The following ANKRD11 variants were observed in gnomAD, a reference collection of about 807,000 sequenced individuals.
The protein encoded by ANKRD11 is ankyrin repeat domain-containing protein 11.
In ANKRD11, 17 loss-of-function variants were observed where a neutral mutation model predicts 195.7. That is an observed-to-expected ratio of 0.09 (90% CI 0.06 to 0.13). ANKRD11 has a LOEUF of 0.13. ANKRD11 is among the 10% of genes least tolerant of loss of function. The pLI is 1.00. For synonymous variants in ANKRD11, 1,953 were observed against 1,528.1 expected (o/e 1.28, Z -6.49); for missense variants, 3,735 against 3,566.1 (o/e 1.05, Z -1.21).
At chr16:89,304,163 T>C (rs2036017164) in intron 4 of ANKRD11, among the ~76,000 whole-genome samples, 1 of 152,220 alleles carries the variant, frequency 6.6e-6, no homozygotes, top group African/African-American at 2.4e-5. Flanking sequence ...CAGAGGCCTC[T>C]GGGCTCCCTG....
intron 2 of ANKRD11, among the ~76,000 whole-genome samples, chr16:89,349,861 AACAC>A (rs34592614): frequency 0.11 from 14,960 of 132,898 alleles, 842 homozygotes; most frequent in South Asian, 0.15. Context: ...TACTTGTTAA[AACAC>A]ACACACACAC....
At chr16:89,373,781 A>G (rs1174393176) in intron 2 of ANKRD11, among the ~76,000 whole-genome samples, 1 of 152,264 alleles carries the variant, frequency 6.6e-6, no homozygotes, top group Admixed American at 6.5e-5. Context: ...CCAAGAACCC[A>G]GCACCCAGGG....
At chr16:89,368,842 G>A (rs1284038148) in intron 2 of ANKRD11, among the ~76,000 whole-genome samples, 1 of 152,174 alleles carries the variant, frequency 6.6e-6, no homozygotes, top group Non-Finnish European at 1.5e-5. Flanking sequence ...TGACGCCACA[G>A]TGAGTCCTGA....
rs146331613 is a variant in ANKRD11, at chr16:89,376,200, G to A, written c.-60+42084C>T. On this transcript the variant is annotated intron_variant, in intron 2 of 12. Transcript: ENST00000301030. ...GCTATAAGAAAGGCAAATACCAATA[G>A]ACTCTAGTCTGATTCCAGAAAAGTG... 4.6e-3 allele frequency among the ~76,000 whole-genome samples: 707 copies of A among 152,326 alleles called. 27 individuals are homozygous for A. The highest frequency in any genetic ancestry group is 0.041 in the Admixed American group (627 of 15,302).
At chr16:89,317,226 A>T in intron 2 of ANKRD11, 148 bp from the exon 3 acceptor site, 1 of 674,226 alleles carries the variant, frequency 1.5e-6, no homozygotes, top group Non-Finnish European at 2.7e-6. Context: ...CCAGGAAGGG[A>T]CTTCTCAGGA....
In ANKRD11 at chr16:89,285,122, C is replaced by T. The variant is rs370417892; in HGVS notation, c.1420G>A (p.Asp474Asn). ...GREVRFGKRS[D>N]KFCSSESESE... ...TCCGACTCCGAGGAGCAGAACTTGT[C>T]GCTCCGCTTTCCGAAGCGAACCTCT... Residue 474 changes from aspartate to asparagine, a missense_variant, in exon 9 of 13, where the codon GAC becomes AAC. By Grantham distance (23) the Asp-to-Asn change is conservative (BLOSUM62 1). Transcript: ENST00000301030. This position sits in a 1 kb window ranked among gnomAD's most constrained non-coding sequence, Gnocchi z 5.6. 14 of 1,613,548 alleles carry T rather than the reference C, an allele frequency of 8.7e-6. No homozygotes were observed. Among genetic ancestry groups the T allele is most frequent in the East Asian group, 6.7e-5 (3 of 44,896 alleles).
At position 89,290,338 on chromosome 16, in the gene ANKRD11, C is replaced by T. The variant is rs182295205; in HGVS notation, c.601+287G>A. On this transcript the variant is annotated intron_variant, in intron 6 of 12. Coordinates refer to ENST00000301030, the MANE Select transcript of ANKRD11 (RefSeq NM_013275.6). ...AATGGGGGGAGGCTCAGGGCTCCAG[C>T]GGGGGAGGCTCAGGGCTCCAATGGG... Among the ~76,000 whole-genome samples the T allele has an allele frequency of 4.1e-4, 18 of 43,900 alleles. No individual in the cohort carries two copies. The East Asian group carries it at 9.3e-3, about 23-fold the overall frequency. The allele number at this position is 43,900 out of a possible 152,430, so 28.8% of individuals were successfully genotyped here. A position where few individuals can be genotyped will look rare whatever the true frequency, so the allele number is the denominator to read the frequency against.
intron 4 of ANKRD11, among the ~76,000 whole-genome samples, chr16:89,293,410 T>C (rs879385232): frequency 4.4e-3 from 496 of 113,570 alleles, no homozygotes; most frequent in Middle Eastern, 0.036. Flanking sequence ...AGAGTTGGGG[T>C]TGCGGAGGGA....
At chr16:89,270,728 C>A (rs903546862) in intron 12 of ANKRD11, 89 bp downstream of exon 12, 96 of 1,305,566 alleles carry the variant, frequency 7.4e-5, no homozygotes, top group Non-Finnish European at 9.1e-5. Context: ...GGCCTCCCCC[C>A]AGGCAGCGCA....
chr16:89,341,649 G>A (rs966486769), intron 2 of ANKRD11, among the ~76,000 whole-genome samples: 3 of 152,246 alleles, frequency 2.0e-5, no homozygotes, highest in African/African-American at 7.2e-5. Context: ...AACACTGGGA[G>A]CAATGCCACG....
At position 89,418,339 on chromosome 16, in the gene ANKRD11, GGT is replaced by G. The variant is rs1441278061; in HGVS notation, c.-117_-116del. ...AGGACTGTCTTTTAAATCCAATGGA[GGT>G]GTGTCCCAGAGCAGGGCTGTATATA... On this transcript the variant is annotated 5_prime_UTR_variant, in exon 2 of 13. The change abolishes the stop of an existing upstream ORF in the 5' untranslated region. Coordinates refer to ENST00000301030, the MANE Select transcript of ANKRD11 (RefSeq NM_013275.6). The G allele has an allele frequency of 4.4e-6, 2 of 453,780 alleles. No homozygotes were observed. The highest frequency in any genetic ancestry group is 4.0e-5 in the African/African-American group (2 of 49,998). The allele number at this position is 453,780 out of a possible 1,614,324, so 28.1% of individuals were successfully genotyped here.
At chr16:89,311,792 C>G (rs1341589811) in intron 3 of ANKRD11, among the ~76,000 whole-genome samples, 2 of 152,156 alleles carry the variant, frequency 1.3e-5, no homozygotes, top group Non-Finnish European at 2.9e-5. Context: ...ACAACACTGT[C>G]TAAGGACCCA....
At chr16:89,293,185 G>T (rs916590797) in intron 4 of ANKRD11, among the ~76,000 whole-genome samples, 10 of 152,128 alleles carry the variant, frequency 6.6e-5, no homozygotes, top group Non-Finnish European at 1.5e-4. Flanking sequence ...CAGAGCAGGG[G>T]GGTTAATGTT....
At chr16:89,476,312 T>C (rs1397325554) in intron 1 of ANKRD11, among the ~76,000 whole-genome samples, 1 of 152,204 alleles carries the variant, frequency 6.6e-6, no homozygotes, top group Non-Finnish European at 1.5e-5. Flanking sequence ...ACAATCGGGA[T>C]GGTCATATGT....
intron 1 of ANKRD11, among the ~76,000 whole-genome samples, chr16:89,476,318 TA>T (rs1165692610): frequency 6.6e-6 from 1 of 152,160 alleles, no homozygotes; most frequent in Non-Finnish European, 1.5e-5. Flanking sequence ...GGGATGGTCA[TA>T]TGTCCCCTGA....
At chr16:89,463,388 C>G (rs1476066030) in intron 1 of ANKRD11, among the ~76,000 whole-genome samples, 2 of 152,190 alleles carry the variant, frequency 1.3e-5, no homozygotes, top group African/African-American at 4.8e-5. Flanking sequence ...CCTGTGCTCT[C>G]TGAAACATGT....
intron 1 of ANKRD11, among the ~76,000 whole-genome samples, chr16:89,480,653 G>A (rs1474405696): frequency 2.0e-5 from 3 of 152,050 alleles, no homozygotes. Flanking sequence ...ACTCCTTCTA[G>A]CAGCAGGCTT....
chr16:89,280,200 C>G lies in ANKRD11; in HGVS notation c.6342G>C (p.Gln2114His). ...DGSRGLSHLG[Q>H]VEPVPWADAF... ...CGTCCGCCCAGGGCACCGGCTCCAC[C>G]TGGCCGAGGTGAGACAGGCCGCGGC... The change falls in exon 9 of 13, where the codon CAG becomes CAC. Residue 2114 changes from glutamine (Q) to histidine (H), a missense_variant. Transcript: ENST00000301030. 2 of 1,608,464 alleles carry G rather than the reference C, an allele frequency of 1.2e-6. No homozygotes were observed. Among genetic ancestry groups the G allele is most frequent in the East Asian group, 2.2e-5 (1 of 44,834 alleles).
At position 89,381,354 on chromosome 16, in the gene ANKRD11, A is replaced by AAAAAAAAAAAAAAAG. The variant is rs1555560066; in HGVS notation, c.-60+36929_-60+36930insCTTTTTTTTTTTTTT. 1.4e-4 allele frequency among the ~76,000 whole-genome samples: 18 copies of AAAAAAAAAAAAAAAG among 125,336 alleles called. 1 individual carries two copies. The highest frequency in any genetic ancestry group is 5.9e-4 in the African/African-American group (18 of 30,392). 82.2% of individuals were successfully genotyped at this position (125,336 alleles called of 152,430 possible). A position where few individuals can be genotyped will look rare whatever the true frequency, so the allele number is the denominator to read the frequency against. ...TGCAAAAAAAAAAAAAAAAAAAAAA[A>AAAAAAAAAAAAAAAG]GGGGTGAGAAGGGCAAGCAAGAGTT... On this transcript the variant is annotated intron_variant, in intron 2 of 12. Coordinates refer to ENST00000301030, the MANE Select transcript of ANKRD11 (RefSeq NM_013275.6).
Sources: allele counts gnomAD v4.1 joint callset (sites outside exome capture counted in the v4.1 genomes callset), GRCh38; gene constraint gnomAD v4.1.1; non-coding constraint Gnocchi (gnomAD v3.1); transcripts MANE v1.5; gene names NCBI Gene and HGNC (gene_info 2026-07-23, HGNC 2026-07-21).